Variants in GLG1 observed in about 807,000 individuals in gnomAD.
GLG1 encodes golgi glycoprotein 1, also known as Golgi apparatus protein 1.
Under a neutral mutation model 160.5 loss-of-function variants are expected in GLG1, and 38 were observed. That is an observed-to-expected ratio of 0.24 (90% CI 0.18 to 0.31). GLG1 has a LOEUF of 0.31. GLG1 is among the 10% of genes least tolerant of loss of function. The pLI is 1.00. For missense variants in GLG1, 1,373 were observed against 1,505.2 expected, an observed-to-expected ratio of 0.91 and a Z score of 1.45; for synonymous variants, 644 against 543.4, an observed-to-expected ratio of 1.19 and a Z score of -2.57.
rs2014382244 is a variant in GLG1 at position 74,452,913 on chromosome 16, A to C, written c.*254T>G. Reference sequence around the variant, plus strand: ...GTTGGTATGAGAGAGACTTGTCTACAGGCAGGTAAACCCAAGTTTGCCAAA... The same window carrying C: ...GTTGGTATGAGAGAGACTTGTCTACCGGCAGGTAAACCCAAGTTTGCCAAA... On this transcript the variant is annotated 3_prime_UTR_variant, in exon 26 of 26. Coordinates refer to ENST00000422840, the MANE Select transcript of GLG1 (RefSeq NM_001145667.2). 1 of 1,184,708 alleles carries C rather than the reference A, an allele frequency of 8.4e-7. No homozygotes were observed. The highest frequency in any genetic ancestry group is 4.3e-5 in the Admixed American group (1 of 23,010). 73.4% of individuals were successfully genotyped at this position (1,184,708 alleles called of 1,614,324 possible).
chr16:74,468,540 C>A lies in GLG1; in HGVS notation c.2436+406G>T, dbSNP rs1265120883. 4 of 170,172 alleles carry A rather than the reference C, an allele frequency of 2.4e-5. 1 individual carries two copies. In the East Asian group the frequency reaches 4.8e-4, roughly 20 times the overall value. The allele number at this position is 170,172 out of a possible 1,614,324, so 10.5% of individuals were successfully genotyped here. A position where few individuals can be genotyped will look rare whatever the true frequency, so the allele number is the denominator to read the frequency against. On this transcript the variant is annotated intron_variant, in intron 17 of 25. Coordinates refer to ENST00000422840, the MANE Select transcript of GLG1 (RefSeq NM_001145667.2). ...CATGAGCCACCTCGCTGGCCTAAGT[C>A]TCTTTTAGTACAGGCAGGGTTTCAT...
chr16:74,476,485 G>A (rs865818126), intron 12 of GLG1, among the ~76,000 whole-genome samples: 9 of 152,142 alleles, frequency 5.9e-5, no homozygotes, highest in African/African-American at 1.7e-4. Context: ...ATTCCTGTAC[G>A]TGTGACTTTT....
At chr16:74,547,920 T>TA (rs1487345291) in intron 1 of GLG1, among the ~76,000 whole-genome samples, 3 of 152,206 alleles carry the variant, frequency 2.0e-5, no homozygotes, top group African/African-American at 7.2e-5. Flanking sequence ...AATTCAGAAA[T>TA]AAAAAATCCA....
chr16:74,470,201 G>C, intron 15 of GLG1, 128 bp from the exon 16 acceptor site: 1 of 671,930 alleles, frequency 1.5e-6, no homozygotes, highest in East Asian at 2.7e-5. Context: ...ACCCACACGT[G>C]AGACATCACG....
At chr16:74,458,582 G>A (rs1225920395) in intron 23 of GLG1, among the ~76,000 whole-genome samples, 1 of 152,162 alleles carries the variant, frequency 6.6e-6, no homozygotes, top group Non-Finnish European at 1.5e-5. Flanking sequence ...GGAGGTTGAG[G>A]TGGGAGGACT....
chr16:74,502,600 G>T (rs1369160088), intron 4 of GLG1, among the ~76,000 whole-genome samples: 1 of 151,496 alleles, frequency 6.6e-6, no homozygotes, highest in Non-Finnish European at 1.5e-5. Context: ...CTGGAGTGCA[G>T]TGGCGCGATC....
At chr16:74,544,820 C>G (rs891038617) in intron 1 of GLG1, among the ~76,000 whole-genome samples, 1 of 151,934 alleles carries the variant, frequency 6.6e-6, no homozygotes, top group Non-Finnish European at 1.5e-5. Flanking sequence ...ATCTGTAAGC[C>G]TAAGTGGAGC....
intron 1 of GLG1, among the ~76,000 whole-genome samples, chr16:74,595,756 T>C (rs1209823794): frequency 5.3e-5 from 8 of 152,242 alleles, no homozygotes; most frequent in Admixed American, 5.2e-4. Flanking sequence ...CATTTATTTT[T>C]AAAAAGTAAA....
chr16:74,517,389 T>C (rs2017010835), intron 2 of GLG1, among the ~76,000 whole-genome samples: 2 of 152,192 alleles, frequency 1.3e-5, no homozygotes, highest in Admixed American at 6.5e-5. Context: ...GCAAGGCTGG[T>C]TCAACATATG....
chr16:74,534,119 A>G (rs1381597133), intron 1 of GLG1, among the ~76,000 whole-genome samples: 1 of 152,272 alleles, frequency 6.6e-6, no homozygotes, highest in East Asian at 1.9e-4. Flanking sequence ...CTAGGTAATC[A>G]TAAGATTCTA....
intron 1 of GLG1, among the ~76,000 whole-genome samples, chr16:74,582,906 C>CT (rs1192946590): frequency 6.6e-6 from 1 of 152,060 alleles, no homozygotes; most frequent in Non-Finnish European, 1.5e-5. Flanking sequence ...TATTCTATCT[C>CT]TTTTACCAGA....
chr16:74,553,456 T>G (rs1360670359), intron 1 of GLG1, among the ~76,000 whole-genome samples: 1 of 149,184 alleles, frequency 6.7e-6, no homozygotes, highest in Non-Finnish European at 1.5e-5. Context: ...ATTCTTTTTT[T>G]GGTTTTGTTT....
chr16:74,531,327 T>C (rs2017525054), intron 2 of GLG1, among the ~76,000 whole-genome samples: 3 of 152,122 alleles, frequency 2.0e-5, no homozygotes, highest in Admixed American at 2.0e-4. Flanking sequence ...TTTTATTTAT[T>C]GATTTATTTA....
chr16:74,568,471 G>A (rs994452691), intron 1 of GLG1, among the ~76,000 whole-genome samples: 1 of 149,190 alleles, frequency 6.7e-6, no homozygotes, highest in Non-Finnish European at 1.5e-5. Context: ...AGGCTGGAGT[G>A]CAATGGCATG....
intron 1 of GLG1, among the ~76,000 whole-genome samples, chr16:74,588,200 A>C (rs1181521277): frequency 2.0e-5 from 3 of 152,150 alleles, no homozygotes; most frequent in Non-Finnish European, 4.4e-5. Context: ...AGAGGGACAA[A>C]AAAACTGTCT....
At chr16:74,471,128 A>T in intron 15 of GLG1, 45 bp downstream of exon 15, 1 of 984,152 alleles carries the variant, frequency 1.0e-6, no homozygotes, top group Non-Finnish European at 1.7e-6. Flanking sequence ...TTCAGTCAAC[A>T]TCCAGGCAGC....
chr16:74,523,927 T>C (rs1364412331), intron 2 of GLG1, among the ~76,000 whole-genome samples: 1 of 152,050 alleles, frequency 6.6e-6, no homozygotes. Flanking sequence ...AAAAAAATAA[T>C]AGGCCAGGCG....
intron 25 of GLG1, among the ~76,000 whole-genome samples, chr16:74,454,761 G>A (rs1597213217): frequency 6.7e-6 from 1 of 149,438 alleles, no homozygotes; most frequent in Non-Finnish European, 1.5e-5. Flanking sequence ...CGAACTCCTG[G>A]GCTCAAGTGA....
intron 2 of GLG1, among the ~76,000 whole-genome samples, chr16:74,510,159 G>A (rs1406889540): frequency 3.3e-5 from 5 of 151,674 alleles, no homozygotes. Context: ...GGCCTCCCGA[G>A]TAGCTGGGAT....
Sources: gnomAD v4.1 joint callset for allele counts (sites outside exome capture counted in the v4.1 genomes callset) on GRCh38, gnomAD v4.1.1 for gene constraint, MANE v1.5 for transcripts, NCBI Gene and HGNC (gene_info 2026-07-23, HGNC 2026-07-21) for gene names.